Variants in ZNF100 observed in about 807,000 individuals in gnomAD.
The protein encoded by ZNF100 is zinc finger protein 100.
In ZNF100, 12 loss-of-function variants were observed where a neutral mutation model predicts 15.8. The observed-to-expected ratio is 0.76, with a 90% CI of 0.49 to 1.23. The LOEUF is 1.23. Ranked by LOEUF, ZNF100 falls within the 50% of genes most tolerant of loss-of-function variation. The pLI is 0.00. For missense variants in ZNF100, 670 were observed against 635.6 expected, an observed-to-expected ratio of 1.05 and a Z score of -0.58; for synonymous variants, 226 against 214.8, an observed-to-expected ratio of 1.05 and a Z score of -0.45.
chr19:21,734,372 G>C (rs746772036), intron 4 of ZNF100, among the ~76,000 whole-genome samples: 8 of 152,170 alleles, frequency 5.3e-5, no homozygotes, highest in Non-Finnish European at 1.2e-4. Context: ...GAACATAAAC[G>C]ACCTGATGCA....
intron 4 of ZNF100, among the ~76,000 whole-genome samples, chr19:21,731,428 C>A (rs2035918715): frequency 6.6e-6 from 1 of 151,922 alleles, no homozygotes; most frequent in Admixed American, 6.6e-5. Context: ...CCTGCCTCAG[C>A]CTCCTGAGTA....
rs770691034 is a variant in ZNF100 at position 21,745,020 on chromosome 19, C to G, written c.144G>C (p.Glu48Asp). The G allele has an allele frequency of 1.9e-6, 3 of 1,613,010 alleles. No homozygotes were observed. In the African/African-American group the frequency reaches 4.0e-5, roughly 22 times the overall value. ...RDVAIEFSLEEWQCLDSAQQG... is the reference protein window; with the variant it reads ...RDVAIEFSLEDWQCLDSAQQG... ...GCTGAGCACTGTCCAGGCATTGCCA[C>G]TCCTCCAGAGAGAATTCTATGGCCA... Residue 48 changes from glutamate (E) to aspartate (D), a missense_variant, in exon 3 of 5, where the codon GAG becomes GAC. By Grantham distance (45) the Glu-to-Asp change is conservative (BLOSUM62 2). Transcript: ENST00000358296.
chr19:21,754,847 T>A (rs1457416666), intron 2 of ZNF100, among the ~76,000 whole-genome samples: 2 of 152,128 alleles, frequency 1.3e-5, no homozygotes, highest in Non-Finnish European at 2.9e-5. Flanking sequence ...ATCATCAGAA[T>A]GAACAGACAA....
At chr19:21,741,082 TAAA>T (rs2145710038) in intron 4 of ZNF100, among the ~76,000 whole-genome samples, 1 of 152,270 alleles carries the variant, frequency 6.6e-6, no homozygotes, top group African/African-American at 2.4e-5. Context: ...TATACAGACT[TAAA>T]GAAGAAAATC....
Position 21,729,584 on chromosome 19 carries a change from AAAAAC to A in ZNF100, c.323-1600_323-1596del, listed in dbSNP as rs969014488. On this transcript the variant is annotated intron_variant, in intron 4 of 4. Transcript: ENST00000358296. ...AAAGTATAATAATGAAAGAAAAAATAAAAACAAAACAAAACAAAAACAAAAAACAA... is the reference window on the plus strand; with the variant it reads ...AAAGTATAATAATGAAAGAAAAAATAAAAACAAAACAAAAACAAAAAACAA... Among the ~76,000 whole-genome samples, 135 of 152,188 alleles carry A rather than the reference AAAAAC, an allele frequency of 8.9e-4. 1 individual carries two copies. Among genetic ancestry groups the A allele is most frequent in the African/African-American group, 1.4e-3 (59 of 41,558 alleles).
chr19:21,743,279 C>G (rs1402448919), intron 4 of ZNF100: 1 of 152,066 alleles, frequency 6.6e-6, no homozygotes, highest in Non-Finnish European at 1.5e-5. Context: ...TTATTGAAGA[C>G]ACAAATTTTA....
intron 2 of ZNF100, among the ~76,000 whole-genome samples, chr19:21,745,564 G>A (rs539145863): frequency 3.4e-4 from 51 of 151,120 alleles, no homozygotes; most frequent in Admixed American, 1.3e-3. Context: ...CGCCCAGGCC[G>A]GACTGCGGAC....
At chr19:21,730,980 A>C (rs1270120039) in intron 4 of ZNF100, among the ~76,000 whole-genome samples, 1 of 152,176 alleles carries the variant, frequency 6.6e-6, no homozygotes, top group Non-Finnish European at 1.5e-5. Context: ...GTTGTTAAAA[A>C]TTTCTCATTG....
intron 2 of ZNF100, among the ~76,000 whole-genome samples, chr19:21,757,784 C>G (rs943808164): frequency 6.6e-5 from 10 of 151,898 alleles, no homozygotes; most frequent in African/African-American, 2.4e-4. Context: ...TCTTGTAATC[C>G]CAGCACTTTG....
intron 2 of ZNF100, chr19:21,753,524 AG>A (rs2036344247): frequency 6.6e-6 from 1 of 152,244 alleles, no homozygotes; most frequent in African/African-American, 2.4e-5. Flanking sequence ...TCAAGGCTGC[AG>A]TGGGCCATGA....
chr19:21,751,910 C>CCT, intron 2 of ZNF100: 1 of 586,048 alleles, frequency 1.7e-6, no homozygotes, highest in Admixed American at 2.7e-5. Flanking sequence ...CTAAAGCCAT[C>CCT]CTCTCTTAAA....
At chr19:21,745,113 C>T (rs748225913) in intron 2 of ZNF100, 46 bp from the exon 3 acceptor site, 1 of 1,561,892 alleles carries the variant, frequency 6.4e-7, no homozygotes, top group Non-Finnish European at 8.6e-7. Context: ...ACCAAGTGGC[C>T]ATGGGCAGAA....
In ZNF100 at chr19:21,727,302, A is replaced by C. The variant is rs750767882; in HGVS notation, c.1010T>G (p.Ile337Arg). 2 of 1,610,182 alleles carry C rather than the reference A, an allele frequency of 1.2e-6. No individual in the cohort carries two copies. The highest frequency in any genetic ancestry group is 2.2e-5 in the East Asian group (1 of 44,654). ...GTAGGGTTTCTCTCCAGTATGAATT[A>C]TCCTGTGTGTAGTAAGGTGTGAGGA... is the stretch of plus-strand genomic sequence containing the variant. Reference protein sequence around the residue: ...NRSSHLTTHRIIHTGEKPYKC... With the variant: ...NRSSHLTTHRRIHTGEKPYKC... The change falls in exon 5 of 5, where the codon ATA becomes AGA. Residue 337 changes from isoleucine (I) to arginine (R), a missense_variant. Physicochemically the swap from Ile to Arg is moderately conservative, Grantham distance 97. Transcript: ENST00000358296.
intron 4 of ZNF100, among the ~76,000 whole-genome samples, chr19:21,743,608 T>TC (rs35239023): frequency 0.086 from 13,110 of 152,068 alleles, 730 homozygotes; most frequent in South Asian, 0.18. Flanking sequence ...AACACTACTT[T>TC]CACACATTTC....
chr19:21,759,814 T>C (rs1368429857), intron 2 of ZNF100, among the ~76,000 whole-genome samples: 1 of 152,154 alleles, frequency 6.6e-6, no homozygotes, highest in Non-Finnish European at 1.5e-5. Context: ...TTGTTTACCA[T>C]AAAATTAAGA....
chr19:21,751,036 C>T (rs1354134832), intron 2 of ZNF100: 2 of 1,326,608 alleles, frequency 1.5e-6, no homozygotes, highest in African/African-American at 2.9e-5. Context: ...CCACCTGCAG[C>T]ACATCAGCGA....
intron 2 of ZNF100, chr19:21,752,196 C>T (rs1296473769): frequency 6.4e-6 from 1 of 155,432 alleles, no homozygotes; most frequent in Non-Finnish European, 1.4e-5. Context: ...TATTTGCTTA[C>T]AATGTGGGCC....
Position 21,744,025 on chromosome 19 carries a change from T to C in ZNF100, c.314A>G (p.Lys105Arg). 6.2e-7 allele frequency: 1 copy of C among 1,612,002 alleles called. No individual in the cohort carries two copies. The highest frequency in any genetic ancestry group is 1.3e-5 in the African/African-American group (1 of 74,872). ...TGTTCACTCTCACCTACCTGGGGGT[T>C]TGGCTACCATCTCATGTCTCTTTAT... is the stretch of plus-strand genomic sequence containing the variant. The part of the protein sequence containing the change: ...WNIKRHEMVA[K>R]PPVICSHFPQ... The change falls in exon 4 of 5, where the codon AAA becomes AGA. Residue 105 changes from lysine to arginine, a missense_variant. Coordinates refer to ENST00000358296, the MANE Select transcript of ZNF100 (RefSeq NM_173531.4).
rs1568285323 is a variant in ZNF100 at position 21,726,810 on chromosome 19, G to GT, written c.1501dup (p.Thr501AsnfsTer2). ...TCCAGTATGAGTTATCTTATGTTTA[G>GT]TAAGGGTTGAGGATCGGTTAAAAGC... On this transcript the variant is annotated frameshift_variant, in exon 5 of 5. Transcript: ENST00000358296. LOFTEE classifies it low-confidence loss of function (END_TRUNC). 3 of 1,613,778 alleles carry GT rather than the reference G, an allele frequency of 1.9e-6. No homozygotes were observed. The highest frequency in any genetic ancestry group is 1.7e-5 in the Admixed American group (1 of 59,976).
Sources: gnomAD v4.1 joint callset for allele counts (sites outside exome capture counted in the v4.1 genomes callset) on GRCh38, gnomAD v4.1.1 for gene constraint, MANE v1.5 for transcripts, NCBI Gene and HGNC (gene_info 2026-07-23, HGNC 2026-07-21) for gene names.